P2RX1: variants seen among roughly 807,000 people sequenced by gnomAD.
P2RX1 encodes the protein P2X purinoceptor 1.
A neutral mutation model predicts 50.3 loss-of-function variants in P2RX1; 42 were observed. The observed-to-expected ratio is 0.83, with a 90% CI of 0.65 to 1.08. P2RX1 has a LOEUF of 1.08. Ranked by LOEUF, P2RX1 falls within the 50% of genes least tolerant of loss-of-function variation. The pLI is 0.00. For missense variants in P2RX1, 449 were observed against 529.0 expected (o/e 0.85, Z 1.48); for synonymous variants, 199 against 202.6 (o/e 0.98, Z 0.15).
At position 3,897,402 on chromosome 17, in the gene P2RX1, T is replaced by G; in HGVS notation, c.*412A>C. 3.6e-6 allele frequency: 1 copy of G among 276,638 alleles called. No homozygotes were observed. The highest frequency in any genetic ancestry group is 7.2e-6 in the Non-Finnish European group (1 of 138,984). The allele number at this position is 276,638 out of a possible 1,614,324, so 17.1% of individuals were successfully genotyped here. A position where few individuals can be genotyped will look rare whatever the true frequency, so the allele number is the denominator to read the frequency against. The stretch of plus-strand genomic sequence containing the variant: ...TTCAGCCGAGGAATTGAATTTTGTG[T>G]TTCATTCTATTTTATTTTAGTTTAA... On this transcript the variant is annotated 3_prime_UTR_variant, in exon 12 of 12. Transcript: ENST00000225538.
chr17:3,904,654 G>T (rs2056225438), intron 3 of P2RX1: 1 of 630,246 alleles, frequency 1.6e-6, no homozygotes, highest in Non-Finnish European at 2.8e-6. Flanking sequence ...TCGGCACCCT[G>T]CCTGGTACAC....
chr17:3,903,284 G>C lies in P2RX1; in HGVS notation c.665C>G (p.Thr222Ser), dbSNP rs755018057. The change falls in exon 7 of 12, where the codon ACC (threonine) becomes AGC (serine). Residue 222 changes from threonine to serine, a missense_variant. Coordinates refer to ENST00000225538, the MANE Select transcript of P2RX1 (RefSeq NM_002558.4). This position sits in a 1 kb window ranked among gnomAD's most constrained non-coding sequence, Gnocchi z 4.6. ...AHMKTCLFHKTLHPLCPVFQL... is the reference protein window; with the variant it reads ...AHMKTCLFHKSLHPLCPVFQL... ...GAAGACTGGGCACAGGGGGTGCAGG[G>C]TCTTGTGAAAGAGGCAGGTCTTCAT... The C allele has an allele frequency of 3.1e-6, 5 of 1,614,046 alleles. No individual in the cohort carries two copies. The highest frequency in any genetic ancestry group is 4.2e-6 in the Non-Finnish European group (5 of 1,180,036).
At position 3,915,902 on chromosome 17, in the gene P2RX1, C is replaced by T. The variant is rs184645840; in HGVS notation, c.137+187G>A. ...AGGCCCCCGGGCAGGGCTTCCCCTC[C>T]GGCCTCGTCCCCATCTCAACAGCGA... On this transcript the variant is annotated intron_variant, in intron 1 of 11. Transcript: ENST00000225538. 318 of 766,936 alleles carry T rather than the reference C, an allele frequency of 4.1e-4. 1 individual carries two copies. The African/African-American group carries it at 4.4e-3, about 11-fold the overall frequency. 47.5% of individuals were successfully genotyped at this position (766,936 alleles called of 1,614,324 possible).
intron 2 of P2RX1, 64 bp from the exon 3 acceptor site, chr17:3,904,993 C>T (rs1446104607): frequency 3.2e-6 from 4 of 1,258,004 alleles, no homozygotes; most frequent in Non-Finnish European, 4.5e-6. Flanking sequence ...CCCCAAGGGC[C>T]CCACCGCTGC....
At chr17:3,913,309 T>G (rs1395518934) in intron 1 of P2RX1, among the ~76,000 whole-genome samples, 2 of 152,078 alleles carry the variant, frequency 1.3e-5, no homozygotes, top group African/African-American at 2.4e-5. Flanking sequence ...CTATTTTTAG[T>G]AGAGACGGGG....
At position 3,904,942 on chromosome 17, in the gene P2RX1, G is replaced by A; in HGVS notation, c.286-13C>T. On this transcript the variant is annotated splice_polypyrimidine_tract_variant and intron_variant, in intron 2 of 11. Coordinates refer to ENST00000225538, the MANE Select transcript of P2RX1 (RefSeq NM_002558.4). ...AGGAGTTGTCCCCCTAGAAGTGAGG[G>A]GCAGGGGGAGGGTGGGGTGGGCTGG... 6.9e-7 allele frequency: 1 copy of A among 1,451,636 alleles called. No homozygotes were observed. 89.9% of individuals were successfully genotyped at this position (1,451,636 alleles called of 1,614,324 possible). A position where few individuals can be genotyped will look rare whatever the true frequency, so the allele number is the denominator to read the frequency against.
intron 1 of P2RX1, among the ~76,000 whole-genome samples, chr17:3,910,276 A>G (rs1465991679): frequency 1.3e-5 from 2 of 152,164 alleles, no homozygotes; most frequent in African/African-American, 4.8e-5. Flanking sequence ...TGCCCGGCCT[A>G]CGAAATCTAT....
intron 7 of P2RX1, among the ~76,000 whole-genome samples, chr17:3,902,768 T>C (rs1039875091): frequency 2.6e-5 from 4 of 151,770 alleles, no homozygotes; most frequent in East Asian, 3.9e-4. Context: ...TCACCATGCC[T>C]GGCTAATTTT....
At position 3,905,235 on chromosome 17, in the gene P2RX1, G is replaced by A. The variant is rs765590956; in HGVS notation, c.270C>T (p.Tyr90=). Residue 90 remains tyrosine, a synonymous_variant, in exon 2 of 12, where the codon TAC becomes TAT. Coordinates refer to ENST00000225538, the MANE Select transcript of P2RX1 (RefSeq NM_002558.4). The part of the protein sequence containing the change: ...LGPQVWDVAD[Y]VFPAQGDNSF... ...GCCAGCTCACCTGGGCTGGGAAGAC[G>A]TAGTCAGCCACATCCCAGACCTGGG... 3.3e-5 allele frequency: 54 copies of A among 1,613,116 alleles called. No individual in the cohort carries two copies. The highest frequency in any genetic ancestry group is 4.1e-5 in the Non-Finnish European group (48 of 1,179,896).
rs752688139 is a variant in P2RX1, at chr17:3,897,868, G to T, written c.1146C>A (p.Asp382Glu). Reference sequence around the variant, plus strand: ...CCAGGGTGGAGCTGGTAGCTGCGAGGTCACGCTCAGCCTGTGTACGTGGTG... The same window carrying T: ...CCAGGGTGGAGCTGGTAGCTGCGAGTTCACGCTCAGCCTGTGTACGTGGTG... Reference protein sequence around the residue: ...EDMGPGAAERDLAATSSTLGL... With the variant: ...EDMGPGAAERELAATSSTLGL... Residue 382 changes from aspartate to glutamate, a missense_variant, in exon 12 of 12, where the codon GAC becomes GAA. Coordinates refer to ENST00000225538, the MANE Select transcript of P2RX1 (RefSeq NM_002558.4). The T allele has an allele frequency of 1.2e-5, 19 of 1,613,768 alleles. No individual in the cohort carries two copies. The highest frequency in any genetic ancestry group is 6.7e-5 in the African/African-American group (5 of 74,878).
intron 1 of P2RX1, among the ~76,000 whole-genome samples, chr17:3,913,769 T>C (rs1288385209): frequency 1.3e-5 from 2 of 152,144 alleles, no homozygotes; most frequent in African/African-American, 4.8e-5. Context: ...TCTCTCATGC[T>C]CCTTTCCATC....
At chr17:3,905,153 G>T in intron 2 of P2RX1, 67 bp downstream of exon 2, 1 of 1,584,148 alleles carries the variant, frequency 6.3e-7, no homozygotes, top group Non-Finnish European at 8.6e-7. Context: ...CAGGGACGTG[G>T]GACAGAGTCC....
At chr17:3,905,066 A>G in intron 2 of P2RX1, 137 bp from the exon 3 acceptor site, 1 of 1,166,270 alleles carries the variant, frequency 8.6e-7, no homozygotes, top group South Asian at 1.3e-5. Context: ...TGCCACCAAC[A>G]TGGGGTGATA....
intron 1 of P2RX1, among the ~76,000 whole-genome samples, chr17:3,912,343 T>A (rs886130641): frequency 6.6e-5 from 10 of 152,144 alleles, no homozygotes; most frequent in African/African-American, 9.7e-5. Context: ...TTTTATTTTT[T>A]TTTTTGAGAC....
Position 3,898,929 on chromosome 17 carries a change from C to G in P2RX1, c.966+5G>C. On this transcript the variant is annotated splice_donor_5th_base_variant and intron_variant, in intron 9 of 11. Coordinates refer to ENST00000225538, the MANE Select transcript of P2RX1 (RefSeq NM_002558.4). The stretch of plus-strand genomic sequence containing the variant: ...GCTGCCACCACCCTCACACTGGACA[C>G]TCACCTTGCCGTCCACCAGGATGTC... The G allele has an allele frequency of 6.2e-7, 1 of 1,610,940 alleles. No individual in the cohort carries two copies. Among genetic ancestry groups the G allele is most frequent in the Non-Finnish European group, 8.5e-7 (1 of 1,177,208 alleles).
intron 1 of P2RX1, among the ~76,000 whole-genome samples, chr17:3,912,348 T>C (rs2056380401): frequency 6.7e-6 from 1 of 150,288 alleles, no homozygotes. Context: ...TTTTTTTTTT[T>C]GAGACGGAGT....
chr17:3,899,778 T>C lies in P2RX1; in HGVS notation c.748-17A>G. 1 of 1,612,298 alleles carries C rather than the reference T, an allele frequency of 6.2e-7. No homozygotes were observed. On this transcript the variant is annotated splice_polypyrimidine_tract_variant and intron_variant, in intron 7 of 11. Coordinates refer to ENST00000225538, the MANE Select transcript of P2RX1 (RefSeq NM_002558.4). ...CACTCCACCCTGCCAGGGACACAAGTAGTTAAGATCTGGGATTTCAGGATC... is the reference window on the plus strand; with the variant it reads ...CACTCCACCCTGCCAGGGACACAAGCAGTTAAGATCTGGGATTTCAGGATC...
chr17:3,904,075 C>T (rs2056209557), intron 4 of P2RX1, 51 bp from the exon 5 acceptor site: 1 of 1,423,962 alleles, frequency 7.0e-7, no homozygotes, highest in South Asian at 1.1e-5. Flanking sequence ...GAGGAGGCCG[C>T]CCCAGACCCC....
rs1479652722 is a variant in P2RX1 at position 3,905,246 on chromosome 17, C to T, written c.259G>A (p.Val87Met). The T allele has an allele frequency of 3.1e-6, 5 of 1,613,448 alleles. No individual in the cohort carries two copies. Among genetic ancestry groups the T allele is most frequent in the Non-Finnish European group, 4.2e-6 (5 of 1,179,962 alleles). Reference sequence around the variant, plus strand: ...TGGGCTGGGAAGACGTAGTCAGCCACATCCCAGACCTGGGGGCCGAGGCCA... The same window carrying T: ...TGGGCTGGGAAGACGTAGTCAGCCATATCCCAGACCTGGGGGCCGAGGCCA... ...LPGLGPQVWD[V>M]ADYVFPAQGD... The change falls in exon 2 of 12, where the codon GTG becomes ATG. Residue 87 changes from valine to methionine, a missense_variant. Coordinates refer to ENST00000225538, the MANE Select transcript of P2RX1 (RefSeq NM_002558.4).
Sources: allele counts gnomAD v4.1 joint callset (sites outside exome capture counted in the v4.1 genomes callset), GRCh38; gene constraint gnomAD v4.1.1; non-coding constraint Gnocchi (gnomAD v3.1); transcripts MANE v1.5; gene names NCBI Gene and HGNC (gene_info 2026-07-23, HGNC 2026-07-21).